INTS2: variants seen among roughly 807,000 people sequenced by gnomAD.
INTS2 encodes KIAA1287.
INTS2 carries 57 observed loss-of-function variants against 139.6 expected under a neutral mutation model. That is an observed-to-expected ratio of 0.41 (90% CI 0.33 to 0.51). The LOEUF (loss-of-function observed/expected upper bound fraction) is 0.51, where lower values mean the gene tolerates loss of function less well. Among genes scored for constraint, INTS2 ranks in the 20% least tolerant of loss-of-function variants. The pLI, the probability that INTS2 is intolerant of heterozygous loss-of-function variation, is 0.28. For missense variants in INTS2, 1,196 were observed against 1,436.7 expected, an observed-to-expected ratio of 0.83 and a Z score of 2.71; for synonymous variants, 473 against 493.4, an observed-to-expected ratio of 0.96 and a Z score of 0.55.
chr17:61,889,551 T>G (rs1385033906), intron 15 of INTS2, among the ~76,000 whole-genome samples: 1 of 152,184 alleles, frequency 6.6e-6, no homozygotes, highest in African/African-American at 2.4e-5. Flanking sequence ...TACAGGCAAT[T>G]CTGTTATCTA....
chr17:61,869,994 A>C lies in INTS2; in HGVS notation c.2779-6T>G, dbSNP rs1449581382. 6.3e-7 allele frequency: 1 copy of C among 1,592,562 alleles called. No homozygotes were observed. Among genetic ancestry groups the C allele is most frequent in the Non-Finnish European group, 8.6e-7 (1 of 1,169,478 alleles). On this transcript the variant is annotated splice_polypyrimidine_tract_variant and splice_region_variant and intron_variant, in intron 20 of 24. Transcript: ENST00000251334. This position sits in a 1 kb window ranked among gnomAD's most constrained non-coding sequence, Gnocchi z 5.4. Reference sequence around the variant, plus strand: ...ATCTGGACAGCTGCACTATCCTATAAGCAAACAAAACATAGAAAAAGTAAG... The same window carrying C: ...ATCTGGACAGCTGCACTATCCTATACGCAAACAAAACATAGAAAAAGTAAG...
intron 16 of INTS2, 67 bp from the exon 17 acceptor site, chr17:61,881,238 TC>T: frequency 8.3e-7 from 1 of 1,203,830 alleles, no homozygotes; most frequent in South Asian, 1.4e-5. Context: ...CCCACCCCTC[TC>T]ATTTTTATCA....
Position 61,893,676 on chromosome 17 carries a change from C to A in INTS2, c.1698+89G>T. Reference sequence around the variant, plus strand: ...CACCACTGCACTCCAACCTGGGTGACTGAGCAAGACTCCATCTCAAAAGAA... The same window carrying A: ...CACCACTGCACTCCAACCTGGGTGAATGAGCAAGACTCCATCTCAAAAGAA... On this transcript the variant is annotated intron_variant, in intron 13 of 24. Coordinates refer to ENST00000251334, the MANE Select transcript of INTS2 (RefSeq NM_001351695.2). This position sits in a 1 kb window ranked among gnomAD's most constrained non-coding sequence, Gnocchi z 5.4. The A allele has an allele frequency of 1.0e-6, 1 of 982,162 alleles. No homozygotes were observed. Among genetic ancestry groups the A allele is most frequent in the Non-Finnish European group, 1.4e-6 (1 of 740,546 alleles). The allele number at this position is 982,162 out of a possible 1,614,324, so 60.8% of individuals were successfully genotyped here.
intron 3 of INTS2, among the ~76,000 whole-genome samples, chr17:61,924,153 A>G (rs979059011): frequency 2.0e-5 from 3 of 152,192 alleles, no homozygotes; most frequent in Non-Finnish European, 4.4e-5. Context: ...CATTCAATTC[A>G]GCATTGATAC....
chr17:61,924,908 A>G (rs2079692945), intron 3 of INTS2, 53 bp downstream of exon 3: 1 of 1,560,886 alleles, frequency 6.4e-7, no homozygotes, highest in African/African-American at 1.4e-5. Context: ...CTACCTCCCT[A>G]TACATAGACA....
intron 9 of INTS2, among the ~76,000 whole-genome samples, chr17:61,900,812 G>C (rs12452732): frequency 0.16 from 24,664 of 151,844 alleles, 2,485 homozygotes; most frequent in East Asian, 0.54. Context: ...ACAAAACTTA[G>C]CTGAGGGTGG....
At chr17:61,886,550 C>T (rs4968408) in intron 15 of INTS2, among the ~76,000 whole-genome samples, 24,601 of 152,134 alleles carry the variant, frequency 0.16, 2,455 homozygotes, top group East Asian at 0.53. Flanking sequence ...ATCCTTCAAC[C>T]TGCGGCCATA....
At position 61,889,833 on chromosome 17, in the gene INTS2, T is replaced by C. The variant is rs369422096; in HGVS notation, c.1937A>G (p.Tyr646Cys). ...AAGAGCCTCTTCATAAGACAGTATA[T>C]AGTAGAGCACCAAAAGCTGTGCTGT... ...SITAQLLVLY[Y>C]ILSYEEALLA... is the part of the protein sequence containing the mutation. Residue 646 changes from tyrosine to cysteine, a missense_variant, in exon 15 of 25, where the codon TAT becomes TGT. Tyr to Cys is a radical substitution (Grantham distance 194, BLOSUM62 -2). Coordinates refer to ENST00000251334, the MANE Select transcript of INTS2 (RefSeq NM_001351695.2). 1.2e-6 allele frequency: 2 copies of C among 1,611,994 alleles called. No individual in the cohort carries two copies. The highest frequency in any genetic ancestry group is 1.7e-6 in the Non-Finnish European group (2 of 1,178,438).
intron 9 of INTS2, among the ~76,000 whole-genome samples, chr17:61,899,820 G>T (rs956888428): frequency 1.3e-5 from 2 of 151,706 alleles, no homozygotes; most frequent in African/African-American, 2.4e-5. Context: ...GCTAAGATGG[G>T]AGGATCTCTT....
intron 8 of INTS2, among the ~76,000 whole-genome samples, chr17:61,907,019 A>C (rs796443709): frequency 2.0e-4 from 30 of 151,804 alleles, no homozygotes; most frequent in African/African-American, 7.3e-4. Context: ...ATTAATTTTA[A>C]ACAATTATGA....
rs1212855126 is a variant in INTS2 at position 61,866,271 on chromosome 17, C to T, written c.*1286G>A. On this transcript the variant is annotated 3_prime_UTR_variant, in exon 25 of 25. Coordinates refer to ENST00000251334, the MANE Select transcript of INTS2 (RefSeq NM_001351695.2). ...ACTCAGGAGGTTGAGGCACGAGAAT[C>T]CCTTGAACCCAGGTGGCAGAAGTTG... 1 of 151,690 alleles carries T rather than the reference C, an allele frequency of 6.6e-6. No homozygotes were observed. Among genetic ancestry groups the T allele is most frequent in the African/African-American group, 2.4e-5 (1 of 41,222 alleles). The allele number at this position is 151,690 out of a possible 1,614,324, so 9.4% of individuals were successfully genotyped here.
intron 15 of INTS2, among the ~76,000 whole-genome samples, chr17:61,886,708 T>C (rs943407371): frequency 6.6e-6 from 1 of 152,244 alleles, no homozygotes; most frequent in Non-Finnish European, 1.5e-5. Flanking sequence ...TCCAAGGTAC[T>C]TTCCTTTACA....
At position 61,867,719 on chromosome 17, in the gene INTS2, T is replaced by C. The variant is rs776350640; in HGVS notation, c.3429A>G (p.Gln1143=). Residue 1143 remains glutamine (Q), a synonymous_variant, in exon 25 of 25, where the codon CAA becomes CAG. Coordinates refer to ENST00000251334, the MANE Select transcript of INTS2 (RefSeq NM_001351695.2). The surrounding 1 kb of genome is among the most constrained non-coding windows in gnomAD (Gnocchi z 5.6). Reference sequence around the variant, plus strand: ...ATCCACTTGGTTTCTCCTTTATTTGTTGAAGACCTACAACATAAGGGAAAA... The same window carrying C: ...ATCCACTTGGTTTCTCCTTTATTTGCTGAAGACCTACAACATAAGGGAAAA... The part of the protein sequence containing the change: ...RDIDPIITRL[Q]QIKEKPSGWS... The C allele has an allele frequency of 4.4e-6, 7 of 1,594,642 alleles. No individual in the cohort carries two copies. Among genetic ancestry groups the C allele is most frequent in the Non-Finnish European group, 6.0e-6 (7 of 1,170,648 alleles).
intron 3 of INTS2, among the ~76,000 whole-genome samples, chr17:61,922,467 CAAA>C (rs59644145): frequency 4.8e-5 from 2 of 42,062 alleles, no homozygotes; most frequent in Non-Finnish European, 1.2e-4. Flanking sequence ...GACTCCGTCT[CAAA>C]AAAAAAAAAA....
Position 61,927,763 on chromosome 17 carries a change from C to A in INTS2, c.-128G>T. 1.3e-6 allele frequency: 2 copies of A among 1,549,300 alleles called. No individual in the cohort carries two copies. On this transcript the variant is annotated 5_prime_UTR_variant, in exon 1 of 25. Coordinates refer to ENST00000251334, the MANE Select transcript of INTS2 (RefSeq NM_001351695.2). ...TCCGATGTTGGGCCTAGGCGATATC[C>A]GGAACCCCAAACCCTAGTTGTGCCT...
At position 61,877,993 on chromosome 17, in the gene INTS2, C is replaced by T; in HGVS notation, c.2350G>A (p.Val784Met). ...AGCTGGCTCATATTGGATGTTAACA[C>T]TTCCGCATATGGTATAAGTTCACTG... ...SASELIPYAEVLTSNMSQLLN... is the reference protein window; with the variant it reads ...SASELIPYAEMLTSNMSQLLN... The change falls in exon 18 of 25, where the codon GTG becomes ATG. Residue 784 changes from valine to methionine, a missense_variant. Coordinates refer to ENST00000251334, the MANE Select transcript of INTS2 (RefSeq NM_001351695.2). The T allele has an allele frequency of 1.9e-6, 3 of 1,612,890 alleles. No homozygotes were observed. Among genetic ancestry groups the T allele is most frequent in the Non-Finnish European group, 8.5e-7 (1 of 1,178,914 alleles).
At chr17:61,902,658 C>A (rs901780053) in intron 9 of INTS2, among the ~76,000 whole-genome samples, 2 of 151,682 alleles carry the variant, frequency 1.3e-5, no homozygotes, top group African/African-American at 4.8e-5. Context: ...AGGACTGTTT[C>A]AGGCCATGAG....
chr17:61,895,487 T>C, intron 11 of INTS2, 104 bp from the exon 12 acceptor site: 2 of 626,206 alleles, frequency 3.2e-6, no homozygotes, highest in Non-Finnish European at 2.7e-6. Flanking sequence ...AATGTTCAAA[T>C]GTTCAAGTAC....
chr17:61,878,931 CAAAAAAAA>C (rs35652350), intron 17 of INTS2, among the ~76,000 whole-genome samples: 3 of 46,656 alleles, frequency 6.4e-5, no homozygotes, highest in African/African-American at 1.0e-4. Flanking sequence ...ACCCTGTCTC[CAAAAAAAA>C]AAAAAAAAAA....
Sources: gnomAD v4.1 joint callset for allele counts (sites outside exome capture counted in the v4.1 genomes callset) on GRCh38, gnomAD v4.1.1 for gene constraint, Gnocchi (gnomAD v3.1) non-coding constraint, MANE v1.5 for transcripts, NCBI Gene and HGNC (gene_info 2026-07-23, HGNC 2026-07-21) for gene names.